FNDC3B: variants seen among roughly 807,000 people sequenced by gnomAD.
The protein encoded by FNDC3B is fibronectin type III domain containing 3B.
In FNDC3B, 12 loss-of-function variants were observed where a neutral mutation model predicts 151.5. The ratio of observed to expected loss-of-function variants is 0.08; its 90% CI spans 0.05 to 0.13. The LOEUF is 0.13. Among genes scored for constraint, FNDC3B ranks in the 10% least tolerant of loss-of-function variants. The pLI is 1.00. For missense variants in FNDC3B, 1,214 were observed against 1,505.3 expected, an observed-to-expected ratio of 0.81 and a Z score of 3.20; for synonymous variants, 528 against 549.0, an observed-to-expected ratio of 0.96 and a Z score of 0.54.
chr3:172,215,274 C>T (rs1481432639), intron 3 of FNDC3B, among the ~76,000 whole-genome samples: 1 of 152,208 alleles, frequency 6.6e-6, no homozygotes. Flanking sequence ...ACTTCTCTGT[C>T]CCCACTGGGA....
intron 2 of FNDC3B, among the ~76,000 whole-genome samples, chr3:172,113,921 C>T (rs1057460454): frequency 1.3e-5 from 2 of 152,092 alleles, no homozygotes; most frequent in African/African-American, 4.8e-5. Flanking sequence ...GTGCTGAATC[C>T]ATACTCTGCC....
chr3:172,148,677 T>TA (rs954629912), intron 3 of FNDC3B: 1 of 152,142 alleles, frequency 6.6e-6, no homozygotes, highest in Non-Finnish European at 1.5e-5. Flanking sequence ...GGGCCCTGTT[T>TA]AAAAAAATCT....
chr3:172,061,862 G>A (rs1200842093), intron 1 of FNDC3B, among the ~76,000 whole-genome samples: 2 of 152,046 alleles, frequency 1.3e-5, no homozygotes, highest in Non-Finnish European at 2.9e-5. Flanking sequence ...ACTAAGTCGG[G>A]GCAAAGAACC....
At chr3:172,086,444 T>G (rs1718551147) in intron 1 of FNDC3B, among the ~76,000 whole-genome samples, 1 of 152,164 alleles carries the variant, frequency 6.6e-6, no homozygotes, top group African/African-American at 2.4e-5. Flanking sequence ...ATTGGCAATT[T>G]CAAGCCATGT....
intron 4 of FNDC3B, among the ~76,000 whole-genome samples, chr3:172,235,263 G>A (rs1727090290): frequency 6.6e-6 from 1 of 152,094 alleles, no homozygotes; most frequent in East Asian, 1.9e-4. Flanking sequence ...GTCACATTTT[G>A]TTAGTAACCA....
At chr3:172,386,485 G>A (rs1296954834) in intron 25 of FNDC3B, among the ~76,000 whole-genome samples, 2 of 152,216 alleles carry the variant, frequency 1.3e-5, no homozygotes, top group Admixed American at 6.5e-5. Context: ...GCTTACGCCT[G>A]TAATCCCAGC....
intron 23 of FNDC3B, among the ~76,000 whole-genome samples, chr3:172,373,170 T>C (rs1734962377): frequency 6.6e-6 from 1 of 152,228 alleles, no homozygotes; most frequent in African/African-American, 2.4e-5. Context: ...AACCAAGGTA[T>C]TGAGGGCTTA....
At position 172,344,235 on chromosome 3, in the gene FNDC3B, G is replaced by A. The variant is rs199983301; in HGVS notation, c.2227G>A (p.Val743Met). ...TCCTGGAACCGTGTATCGCTTCCGG[G>A]TGAGGGCTCTGAATGATGGAGGGGT... ...LLPGTVYRFR[V>M]RALNDGGYGP... Residue 743 changes from valine to methionine, a missense_variant, in exon 19 of 26, where the codon GTG (valine) becomes ATG (methionine). Physicochemically the swap from Val to Met is conservative, Grantham distance 21. Coordinates refer to ENST00000415807, the MANE Select transcript of FNDC3B (RefSeq NM_022763.4). 2.5e-6 allele frequency: 4 copies of A among 1,613,968 alleles called. No individual in the cohort carries two copies. Among genetic ancestry groups the A allele is most frequent in the South Asian group, 2.2e-5 (2 of 91,064 alleles).
chr3:172,127,347 G>A (rs962313308), intron 2 of FNDC3B, among the ~76,000 whole-genome samples: 3 of 152,310 alleles, frequency 2.0e-5, no homozygotes, highest in East Asian at 3.9e-4. Flanking sequence ...GTGAAACCAC[G>A]CCTAGTAGAG....
intron 1 of FNDC3B, among the ~76,000 whole-genome samples, chr3:172,077,730 C>G (rs200856449): frequency 1.3e-5 from 2 of 151,980 alleles, no homozygotes; most frequent in Admixed American, 6.6e-5. Flanking sequence ...TTTTTCCCCC[C>G]CAAAAAAGAA....
rs142039310 is a variant in FNDC3B, at chr3:172,074,756, G to A, written c.-29+34985G>A. On this transcript the variant is annotated intron_variant, in intron 1 of 25. Transcript: ENST00000415807. Reference sequence around the variant, plus strand: ...GTGAAATTTGGCAGGCCCCTAGCCCGTTAGTGGCCACAGTCACATGATTGA... The same window carrying A: ...GTGAAATTTGGCAGGCCCCTAGCCCATTAGTGGCCACAGTCACATGATTGA... Among the ~76,000 whole-genome samples, 688 of 152,274 alleles carry A rather than the reference G, an allele frequency of 4.5e-3. 2 individuals are homozygous for A. The highest frequency in any genetic ancestry group is 0.02 in the Middle Eastern group (6 of 294).
intron 9 of FNDC3B, among the ~76,000 whole-genome samples, chr3:172,299,736 G>C (rs534770119): frequency 1.3e-5 from 2 of 151,690 alleles, no homozygotes; most frequent in Non-Finnish European, 2.9e-5. Flanking sequence ...GAGTTTCTTT[G>C]TGATTTCGGG....
chr3:172,397,372 G>A lies in FNDC3B; in HGVS notation c.3512G>A (p.Ser1171Asn). The A allele has an allele frequency of 1.9e-6, 3 of 1,614,106 alleles. No homozygotes were observed. Among genetic ancestry groups the A allele is most frequent in the Non-Finnish European group, 2.5e-6 (3 of 1,179,960 alleles). Reference sequence around the variant, plus strand: ...AGCTTAGATGATCCCAAAATGAAGAGCATGATGCCTACTGATGAACAGTTT... The same window carrying A: ...AGCTTAGATGATCCCAAAATGAAGAACATGATGCCTACTGATGAACAGTTT... Reference protein sequence around the residue: ...MGSLDDPKMKSMMPTDEQFAA... With the variant: ...MGSLDDPKMKNMMPTDEQFAA... Residue 1171 changes from serine (S) to asparagine (N), a missense_variant, in exon 26 of 26, where the codon AGC (serine) becomes AAC (asparagine). Ser to Asn is a conservative substitution (Grantham distance 46). Around this residue, in one of 7 missense-constraint regions of FNDC3B, gnomAD observed 284 missense variants for 392.4 expected, o/e 0.72. Transcript: ENST00000415807.
rs187182787 is a variant in FNDC3B, at chr3:172,343,033, G to C, written c.1994G>C (p.Arg665Pro). ...HSQCSESLPV[R>P]TLSIAPGQCR... Reference sequence around the variant, plus strand: ...CAGTGTTCTGAAAGTCTCCCTGTTCGCACACTAAGCATTGCACCAGGTCAA... The same window carrying C: ...CAGTGTTCTGAAAGTCTCCCTGTTCCCACACTAAGCATTGCACCAGGTCAA... Residue 665 changes from arginine to proline, a missense_variant, in exon 18 of 26, where the codon CGC (arginine) becomes CCC (proline). Physicochemically the swap from Arg to Pro is moderately radical, Grantham distance 103. Around this residue, in one of 7 missense-constraint regions of FNDC3B, gnomAD observed 380 missense variants for 420.9 expected, o/e 0.90. Coordinates refer to ENST00000415807, the MANE Select transcript of FNDC3B (RefSeq NM_022763.4). The C allele has an allele frequency of 1.7e-5, 28 of 1,611,574 alleles. No individual in the cohort carries two copies. The highest frequency in any genetic ancestry group is 2.3e-5 in the Non-Finnish European group (27 of 1,178,032).
In FNDC3B at chr3:172,352,856, G is replaced by A. The variant is rs113685139; in HGVS notation, c.2568G>A (p.Thr856=). 14 of 1,614,128 alleles carry A rather than the reference G, an allele frequency of 8.7e-6. No homozygotes were observed. The highest frequency in any genetic ancestry group is 1.7e-4 in the Middle Eastern group (1 of 6,060). The change falls in exon 22 of 26, where the codon ACG becomes ACA. Residue 856 remains threonine (T), a synonymous_variant. Coordinates refer to ENST00000415807, the MANE Select transcript of FNDC3B (RefSeq NM_022763.4). The surrounding 1 kb of genome is among the most constrained non-coding windows in gnomAD (Gnocchi z 4.2). ...ACAGTGAACTTGTCCTTTGCCAGAC[G>A]CCAGCGTCTGCCCCTGACCCCGTCT... The part of the protein sequence containing the change: ...GPYSELVLCQ[T]PASAPDPVST...
At chr3:172,205,930 G>T (rs1725399364) in intron 3 of FNDC3B, among the ~76,000 whole-genome samples, 1 of 152,076 alleles carries the variant, frequency 6.6e-6, no homozygotes, top group Non-Finnish European at 1.5e-5. Flanking sequence ...TTGAGAGCTT[G>T]ATTTTAAACT....
chr3:172,352,875 C>G lies in FNDC3B; in HGVS notation c.2587C>G (p.Pro863Ala), dbSNP rs779243334. The change falls in exon 22 of 26, where the codon CCC (proline) becomes GCC (alanine). Residue 863 changes from proline (P) to alanine (A), a missense_variant. Pro to Ala is a conservative substitution (Grantham distance 27). Coordinates refer to ENST00000415807, the MANE Select transcript of FNDC3B (RefSeq NM_022763.4). This position sits in a 1 kb window ranked among gnomAD's most constrained non-coding sequence, Gnocchi z 4.2. ...CCAGACGCCAGCGTCTGCCCCTGAC[C>G]CCGTCTCCACTCTCTGTGTCCTGGA... ...LCQTPASAPD[P>A]VSTLCVLEEE... is the part of the protein sequence containing the mutation. 6.2e-7 allele frequency: 1 copy of G among 1,614,084 alleles called. No individual in the cohort carries two copies. Among genetic ancestry groups the G allele is most frequent in the East Asian group, 2.2e-5 (1 of 44,898 alleles).
intron 4 of FNDC3B, among the ~76,000 whole-genome samples, chr3:172,237,000 C>T (rs192156932): frequency 3.3e-5 from 5 of 152,240 alleles, no homozygotes; most frequent in African/African-American, 4.8e-5. Flanking sequence ...TAGCTGTGCT[C>T]CTTTGCCAGA....
In FNDC3B at chr3:172,399,609, G is replaced by A. The variant is rs1736472219; in HGVS notation, c.*2134G>A. The A allele has an allele frequency of 6.6e-6, 1 of 152,604 alleles. No homozygotes were observed. The highest frequency in any genetic ancestry group is 2.1e-4 in the South Asian group (1 of 4,834). 9.5% of individuals were successfully genotyped at this position (152,604 alleles called of 1,614,324 possible). On this transcript the variant is annotated 3_prime_UTR_variant, in exon 26 of 26. Transcript: ENST00000415807. ...TCAAGGTAAATATATTTTTGCCAAA[G>A]TTCTGGCCTTCCAAAACTCACCCCC...
Sources: gnomAD v4.1 joint callset for allele counts (sites outside exome capture counted in the v4.1 genomes callset) on GRCh38, gnomAD v4.1.1 for gene constraint, gnomAD v4.1.1 regional missense constraint, Gnocchi (gnomAD v3.1) non-coding constraint, MANE v1.5 for transcripts, NCBI Gene and HGNC (gene_info 2026-07-23, HGNC 2026-07-21) for gene names.